Variants in CRPPA observed in about 807,000 individuals in gnomAD.
CRPPA encodes CDP-L-ribitol pyrophosphorylase A, also known as D-ribitol-5-phosphate cytidylyltransferase.
A neutral mutation model predicts 52.0 loss-of-function variants in CRPPA; 43 were observed. The observed-to-expected ratio is 0.83, with a 90% CI of 0.65 to 1.07. The LOEUF is 1.07. Ranked by LOEUF, CRPPA falls within the 50% of genes least tolerant of loss-of-function variation. CRPPA has a pLI of 0.00. For missense variants in CRPPA, 629 were observed against 551.7 expected (o/e 1.14, Z -1.40); for synonymous variants, 250 against 203.5 (o/e 1.23, Z -1.94).
intron 9 of CRPPA, among the ~76,000 whole-genome samples, chr7:16,183,060 CT>C (rs1781442746): frequency 6.6e-6 from 1 of 152,044 alleles, no homozygotes; most frequent in Non-Finnish European, 1.5e-5. Context: ...AGTTTCTCAC[CT>C]CAAAGATCTG....
At chr7:16,199,531 C>T (rs924922597) in intron 9 of CRPPA, among the ~76,000 whole-genome samples, 16 of 152,100 alleles carry the variant, frequency 1.1e-4, no homozygotes, top group Non-Finnish European at 1.5e-4. Context: ...ACTAACTCTG[C>T]GGGATGAGCC....
intron 9 of CRPPA, among the ~76,000 whole-genome samples, chr7:16,136,179 T>C (rs532329764): frequency 2.3e-4 from 35 of 152,346 alleles, no homozygotes; most frequent in African/African-American, 8.4e-4. Flanking sequence ...TAATTCACTT[T>C]GACCACATAA....
chr7:16,208,395 C>T (rs1430518899), intron 9 of CRPPA, among the ~76,000 whole-genome samples: 2 of 152,108 alleles, frequency 1.3e-5, no homozygotes, highest in African/African-American at 4.8e-5. Context: ...TATACTGAAT[C>T]TCCTTTCAAA....
chr7:16,223,001 G>C (rs1282764597), intron 8 of CRPPA, among the ~76,000 whole-genome samples: 1 of 152,054 alleles, frequency 6.6e-6, no homozygotes, highest in Non-Finnish European at 1.5e-5. Context: ...ATTAACTCTT[G>C]TCAATCTTGG....
intron 5 of CRPPA, among the ~76,000 whole-genome samples, chr7:16,290,389 C>T (rs961745126): frequency 1.3e-5 from 2 of 151,860 alleles, no homozygotes; most frequent in South Asian, 4.2e-4. Context: ...ATCATACTAA[C>T]CTGACTTCAA....
At chr7:16,164,409 C>G (rs1263749490) in intron 9 of CRPPA, among the ~76,000 whole-genome samples, 2 of 152,156 alleles carry the variant, frequency 1.3e-5, no homozygotes, top group Non-Finnish European at 2.9e-5. Context: ...AGCAGTTCCT[C>G]TAACCTTTTT....
intron 8 of CRPPA, among the ~76,000 whole-genome samples, chr7:16,241,233 A>G (rs1424479953): frequency 1.3e-5 from 2 of 152,276 alleles, no homozygotes; most frequent in East Asian, 1.9e-4. Flanking sequence ...CAAATACTAA[A>G]TATTTTCAAG....
At chr7:16,235,182 A>T (rs1782914144) in intron 8 of CRPPA, among the ~76,000 whole-genome samples, 1 of 152,140 alleles carries the variant, frequency 6.6e-6, no homozygotes, top group African/African-American at 2.4e-5. Flanking sequence ...TTGGAAACAA[A>T]AGAGAGAAGT....
chr7:16,150,791 G>A (rs1783062595), intron 9 of CRPPA, among the ~76,000 whole-genome samples: 1 of 152,174 alleles, frequency 6.6e-6, no homozygotes, highest in Admixed American at 6.5e-5. Flanking sequence ...GTACTGAGAT[G>A]CCAGCAACTG....
intron 5 of CRPPA, among the ~76,000 whole-genome samples, chr7:16,299,610 A>G (rs187401008): frequency 6.6e-6 from 1 of 152,352 alleles, no homozygotes; most frequent in Non-Finnish European, 1.5e-5. Flanking sequence ...CTGGGAAGTT[A>G]TTAGATATAC....
At chr7:16,158,766 C>G (rs755594907) in intron 9 of CRPPA, among the ~76,000 whole-genome samples, 8 of 152,278 alleles carry the variant, frequency 5.3e-5, no homozygotes, top group Middle Eastern at 3.4e-3. Context: ...TAGCTATCAG[C>G]TAAAGACTTT....
At chr7:16,395,896 A>G (rs1020109162) in intron 2 of CRPPA, among the ~76,000 whole-genome samples, 2 of 152,242 alleles carry the variant, frequency 1.3e-5, no homozygotes, top group African/African-American at 4.8e-5. Context: ...TGAAATAATT[A>G]AAGCAAAGCA....
At chr7:16,227,453 T>C (rs1205817996) in intron 8 of CRPPA, among the ~76,000 whole-genome samples, 5 of 151,916 alleles carry the variant, frequency 3.3e-5, no homozygotes, top group Admixed American at 3.3e-4. Context: ...TGATATCTCA[T>C]TGTGGTTGTG....
At chr7:16,150,868 G>GT (rs1583392165) in intron 9 of CRPPA, among the ~76,000 whole-genome samples, 2 of 152,254 alleles carry the variant, frequency 1.3e-5, no homozygotes, top group East Asian at 3.9e-4. Flanking sequence ...TACCAAACGA[G>GT]TTTTTTATAA....
At chr7:16,310,488 A>G (rs1181989736) in intron 3 of CRPPA, among the ~76,000 whole-genome samples, 3 of 152,236 alleles carry the variant, frequency 2.0e-5, no homozygotes, top group Non-Finnish European at 4.4e-5. Context: ...TGGCAAAAAT[A>G]AAGCACTCGA....
chr7:16,307,673 C>CAAAAA (rs55682769), intron 4 of CRPPA, among the ~76,000 whole-genome samples: 15 of 44,364 alleles, frequency 3.4e-4, no homozygotes, highest in African/African-American at 1.2e-3. Flanking sequence ...GAAACTCTGT[C>CAAAAA]AAAAAAAAAA....
chr7:16,353,667 T>C (rs1446998725), intron 3 of CRPPA, among the ~76,000 whole-genome samples: 7 of 152,058 alleles, frequency 4.6e-5, no homozygotes, highest in Admixed American at 2.0e-4. Context: ...CTGACCAACA[T>C]GGTGAAACCC....
chr7:16,370,861 C>T (rs949123619), intron 3 of CRPPA, among the ~76,000 whole-genome samples: 4 of 152,186 alleles, frequency 2.6e-5, no homozygotes, highest in Admixed American at 2.0e-4. Context: ...CACCTACCAA[C>T]AGCCTTCCTG....
intron 9 of CRPPA, among the ~76,000 whole-genome samples, chr7:16,197,969 G>A (rs1402945755): frequency 1.4e-5 from 2 of 139,774 alleles, no homozygotes; most frequent in Non-Finnish European, 3.0e-5. Context: ...CTCCTTAAGA[G>A]TCATCACCAC....
Sources: allele counts gnomAD v4.1 joint callset (sites outside exome capture counted in the v4.1 genomes callset), GRCh38; gene constraint gnomAD v4.1.1; transcripts MANE v1.5; gene names NCBI Gene and HGNC (gene_info 2026-07-23, HGNC 2026-07-21).